The following NBEA variants were observed in gnomAD, a reference collection of about 807,000 sequenced individuals.
NBEA encodes the protein neurobeachin.
NBEA carries 44 observed loss-of-function variants against 343.4 expected under a neutral mutation model. The observed-to-expected ratio is 0.13, with a 90% CI of 0.10 to 0.16. The LOEUF (loss-of-function observed/expected upper bound fraction) is 0.16, where lower values mean the gene tolerates loss of function less well. NBEA is among the 10% of genes least tolerant of loss of function. The pLI is 1.00. For synonymous variants in NBEA, 1,175 were observed against 1,238.7 expected (o/e 0.95, Z 1.08); for missense variants, 2,555 against 3,631.3 (o/e 0.70, Z 7.62).
intron 40 of NBEA, among the ~76,000 whole-genome samples, chr13:35,453,173 C>T (rs1198399147): frequency 2.6e-5 from 4 of 152,156 alleles, no homozygotes; most frequent in African/African-American, 9.7e-5. Flanking sequence ...TGATTTCTTT[C>T]TACTGGTTAG....
rs142488539 is a variant in NBEA, at chr13:34,983,269, C to T, written c.294+40155C>T. Reference sequence around the variant, plus strand: ...ATTCCCACCTATGAGTGAGAACATGCGGTGTTTGGTTTTCTGTCCTTGCGA... The same window carrying T: ...ATTCCCACCTATGAGTGAGAACATGTGGTGTTTGGTTTTCTGTCCTTGCGA... On this transcript the variant is annotated intron_variant, in intron 1 of 58. Coordinates refer to ENST00000379939, the MANE Select transcript of NBEA (RefSeq NM_001385012.1). Among the ~76,000 whole-genome samples, 1,167 of 152,162 alleles carry T rather than the reference C, an allele frequency of 7.7e-3. 13 individuals carry two copies. Among genetic ancestry groups the T allele is most frequent in the African/African-American group, 0.027 (1,104 of 41,508 alleles).
chr13:35,668,610 A>C, intron 58 of NBEA, 91 bp downstream of exon 58: 1 of 1,252,268 alleles, frequency 8.0e-7, no homozygotes, highest in Non-Finnish European at 1.1e-6. Context: ...TGTGAGTGCA[A>C]TTCCAGCATC....
At chr13:35,106,181 G>A (rs549415833) in intron 11 of NBEA, among the ~76,000 whole-genome samples, 7 of 152,034 alleles carry the variant, frequency 4.6e-5, no homozygotes, top group South Asian at 2.1e-4. Context: ...TACATTTTCT[G>A]TAAGATTTAA....
chr13:35,205,953 A>C (rs538358050), intron 31 of NBEA, among the ~76,000 whole-genome samples: 6 of 152,062 alleles, frequency 3.9e-5, no homozygotes, highest in Non-Finnish European at 8.8e-5. Context: ...GCCCAATACC[A>C]CGTAGTAACT....
At chr13:35,450,102 A>G (rs1594678773) in intron 39 of NBEA, among the ~76,000 whole-genome samples, 1 of 152,172 alleles carries the variant, frequency 6.6e-6, no homozygotes, top group Non-Finnish European at 1.5e-5. Flanking sequence ...AAAAAGAAGT[A>G]TACAAACTGC....
At chr13:35,451,455 G>C (rs977045878) in intron 39 of NBEA, among the ~76,000 whole-genome samples, 1 of 152,120 alleles carries the variant, frequency 6.6e-6, no homozygotes, top group Non-Finnish European at 1.5e-5. Flanking sequence ...GCAAAATAAG[G>C]CTATCATTTC....
intron 38 of NBEA, among the ~76,000 whole-genome samples, chr13:35,425,116 T>G (rs1594589235): frequency 6.6e-6 from 1 of 152,218 alleles, no homozygotes; most frequent in East Asian, 1.9e-4. Context: ...ATTCATTAAT[T>G]TTTTGAAGGG....
At chr13:35,322,296 G>A (rs753518270) in intron 36 of NBEA, among the ~76,000 whole-genome samples, 7 of 152,130 alleles carry the variant, frequency 4.6e-5, no homozygotes, top group Non-Finnish European at 8.8e-5. Context: ...TATCTGGGCC[G>A]GAGTCCACCG....
intron 30 of NBEA, among the ~76,000 whole-genome samples, chr13:35,191,894 A>T (rs2072223684): frequency 6.6e-6 from 1 of 152,070 alleles, no homozygotes; most frequent in African/African-American, 2.4e-5. Context: ...TGGAGGAAGG[A>T]ATGTGATATG....
At chr13:35,597,867 C>T (rs1479023768) in intron 47 of NBEA, among the ~76,000 whole-genome samples, 1 of 152,156 alleles carries the variant, frequency 6.6e-6, no homozygotes, top group African/African-American at 2.4e-5. Flanking sequence ...AGAGTAGACA[C>T]GGACTCCACT....
chr13:35,125,315 A>C (rs554294588), intron 17 of NBEA, among the ~76,000 whole-genome samples: 103 of 152,318 alleles, frequency 6.8e-4, no homozygotes, highest in African/African-American at 2.4e-3. Context: ...GAGAATGGTG[A>C]GAGAGTTCAC....
At chr13:34,969,273 G>A (rs2059923060) in intron 1 of NBEA, among the ~76,000 whole-genome samples, 2 of 151,640 alleles carry the variant, frequency 1.3e-5, no homozygotes, top group African/African-American at 4.8e-5. Flanking sequence ...ACTTACTGCT[G>A]TGTAATAAGT....
At chr13:35,034,669 T>C (rs1363065059) in intron 1 of NBEA, among the ~76,000 whole-genome samples, 1 of 151,714 alleles carries the variant, frequency 6.6e-6, no homozygotes, top group Non-Finnish European at 1.5e-5. Flanking sequence ...TGAAGTGCTT[T>C]TCTTTACTGG....
intron 34 of NBEA, among the ~76,000 whole-genome samples, chr13:35,247,977 A>C (rs1424661271): frequency 2.0e-5 from 3 of 152,236 alleles, no homozygotes; most frequent in Non-Finnish European, 2.9e-5. Context: ...AGAGAATACT[A>C]TGAATAACTT....
chr13:34,964,174 T>C (rs1284269986), intron 1 of NBEA, among the ~76,000 whole-genome samples: 1 of 152,044 alleles, frequency 6.6e-6, no homozygotes, highest in African/African-American at 2.4e-5. Flanking sequence ...AATTAAGATA[T>C]GGAAATAACA....
At chr13:35,086,545 T>C (rs1265202768) in intron 10 of NBEA, among the ~76,000 whole-genome samples, 1 of 151,994 alleles carries the variant, frequency 6.6e-6, no homozygotes, top group East Asian at 1.9e-4. Context: ...AGAATGTCTT[T>C]AGCCATTTGC....
chr13:35,015,966 TTTA>T (rs1340241973), intron 1 of NBEA, among the ~76,000 whole-genome samples: 2 of 151,844 alleles, frequency 1.3e-5, no homozygotes, highest in Non-Finnish European at 1.5e-5. Flanking sequence ...TCATATAATC[TTTA>T]TCTTTTATTC....
chr13:35,173,322 A>G, intron 26 of NBEA, 142 bp from the exon 27 acceptor site: 1 of 694,586 alleles, frequency 1.4e-6, no homozygotes. Flanking sequence ...TAATTTTGAA[A>G]ATTATTGATC....
At chr13:35,131,027 G>T (rs559777882) in intron 17 of NBEA, among the ~76,000 whole-genome samples, 24 of 151,900 alleles carry the variant, frequency 1.6e-4, no homozygotes, top group African/African-American at 5.5e-4. Flanking sequence ...AAGCAGAAAG[G>T]TACTTAGGTT....
Sources: allele counts gnomAD v4.1 joint callset (sites outside exome capture counted in the v4.1 genomes callset), GRCh38; gene constraint gnomAD v4.1.1; transcripts MANE v1.5; gene names NCBI Gene and HGNC (gene_info 2026-07-23, HGNC 2026-07-21).